The following PLA2R1 variants were observed in gnomAD, a reference collection of about 807,000 sequenced individuals.
PLA2R1 encodes secretory phospholipase A2 receptor.
A neutral mutation model predicts 195.9 loss-of-function variants in PLA2R1; 158 were observed. That is an observed-to-expected ratio of 0.81 (90% CI 0.71 to 0.92). The LOEUF (loss-of-function observed/expected upper bound fraction) is 0.92, where lower values mean the gene tolerates loss of function less well. PLA2R1 is among the 40% of genes least tolerant of loss of function. PLA2R1 has a pLI of 0.00. For synonymous variants in PLA2R1, 586 were observed against 598.2 expected (o/e 0.98, Z 0.30); for missense variants, 1,626 against 1,764.6 (o/e 0.92, Z 1.41).
chr2:159,988,998 A>G (rs1009871377), intron 11 of PLA2R1, among the ~76,000 whole-genome samples: 2 of 152,232 alleles, frequency 1.3e-5, no homozygotes, highest in African/African-American at 4.8e-5. Context: ...GATGGTTCTG[A>G]TCTGGAAGAA....
chr2:160,028,741 G>A (rs564205247), intron 5 of PLA2R1, 109 bp downstream of exon 5: 83 of 683,696 alleles, frequency 1.2e-4, no homozygotes, highest in Non-Finnish European at 2.1e-4. Context: ...GCTAAAAAAT[G>A]TTTATACACT....
In PLA2R1 at chr2:160,044,638, T is replaced by C. The variant is rs113200903; in HGVS notation, c.493+136A>G. The C allele has an allele frequency of 2.3e-4, 159 of 705,218 alleles. 2 individuals carry two copies. The African/African-American group carries it at 2.5e-3, about 11-fold the overall frequency. 43.7% of individuals were successfully genotyped at this position (705,218 alleles called of 1,614,324 possible). A position where few individuals can be genotyped will look rare whatever the true frequency, so the allele number is the denominator to read the frequency against. ...CTTTTACCATAAGCAAGGAAGCAAC[T>C]AAAATGTATTTAGCAGAAGTCCCTT... On this transcript the variant is annotated intron_variant, in intron 2 of 29. Transcript: ENST00000283243.
intron 11 of PLA2R1, among the ~76,000 whole-genome samples, chr2:159,989,453 G>A (rs1202467638): frequency 6.6e-6 from 1 of 152,172 alleles, no homozygotes; most frequent in Non-Finnish European, 1.5e-5. Context: ...CCTTTGAGGG[G>A]CCCCAGTGGA....
At chr2:159,973,291 T>C (rs566779026) in intron 17 of PLA2R1, among the ~76,000 whole-genome samples, 30 of 152,270 alleles carry the variant, frequency 2.0e-4, no homozygotes, top group African/African-American at 6.3e-4. Flanking sequence ...GCACAAATTA[T>C]GCAGAAATAA....
At chr2:160,045,515 G>A (rs1559004411) in intron 1 of PLA2R1, among the ~76,000 whole-genome samples, 2 of 152,302 alleles carry the variant, frequency 1.3e-5, no homozygotes, top group African/African-American at 2.4e-5. Context: ...GGCTCCCGGG[G>A]AGGGACACTG....
intron 6 of PLA2R1, among the ~76,000 whole-genome samples, chr2:160,024,088 T>C (rs559218320): frequency 2.8e-4 from 43 of 152,262 alleles, no homozygotes; most frequent in African/African-American, 9.6e-4. Flanking sequence ...TCTACAGGAC[T>C]ATGCTTGCCT....
At chr2:160,013,640 T>A (rs2105433885) in intron 9 of PLA2R1, among the ~76,000 whole-genome samples, 1 of 151,388 alleles carries the variant, frequency 6.6e-6, no homozygotes, top group Non-Finnish European at 1.5e-5. Context: ...TAAATGAAAA[T>A]AAAGGGCATT....
intron 14 of PLA2R1, among the ~76,000 whole-genome samples, chr2:159,977,619 C>T (rs1283437277): frequency 1.3e-5 from 2 of 151,962 alleles, no homozygotes; most frequent in African/African-American, 4.8e-5. Flanking sequence ...TTAAAGATGC[C>T]TTTTTAAAAA....
chr2:159,965,107 C>T (rs1230241508), intron 20 of PLA2R1, among the ~76,000 whole-genome samples: 1 of 152,176 alleles, frequency 6.6e-6, no homozygotes. Context: ...GCCCCATCAC[C>T]CCAGAATGGT....
intron 6 of PLA2R1, among the ~76,000 whole-genome samples, chr2:160,025,903 A>C (rs1693491873): frequency 6.6e-6 from 1 of 152,210 alleles, no homozygotes; most frequent in Non-Finnish European, 1.5e-5. Flanking sequence ...AAAAGGATAC[A>C]AGTAGCAGAT....
intron 15 of PLA2R1, 42 bp downstream of exon 15, chr2:159,977,242 T>C (rs373936240): frequency 2.0e-6 from 3 of 1,479,170 alleles, no homozygotes; most frequent in Middle Eastern, 2.0e-4. Flanking sequence ...TAGAGATTAT[T>C]AGAAATCAAA....
At chr2:159,956,665 ATCTT>A (rs1688113139) in intron 20 of PLA2R1, 38 bp from the exon 21 acceptor site, 1 of 1,202,792 alleles carries the variant, frequency 8.3e-7, no homozygotes. Context: ...TCATTTCTGT[ATCTT>A]TCTAAGTGAA....
chr2:159,968,691 C>T (rs1221197745), intron 19 of PLA2R1, among the ~76,000 whole-genome samples: 1 of 152,196 alleles, frequency 6.6e-6, no homozygotes, highest in Non-Finnish European at 1.5e-5. Flanking sequence ...GACAATCAAC[C>T]TAACTACACT....
intron 17 of PLA2R1, among the ~76,000 whole-genome samples, chr2:159,975,566 A>AC (rs951767123): frequency 2.4e-4 from 36 of 150,808 alleles, no homozygotes; most frequent in East Asian, 5.8e-4. Context: ...ACTGCCAGGC[A>AC]CCCCCCCAGG....
At chr2:159,992,696 C>T (rs925311457) in intron 11 of PLA2R1, among the ~76,000 whole-genome samples, 6 of 151,788 alleles carry the variant, frequency 4.0e-5, no homozygotes, top group East Asian at 1.9e-4. Flanking sequence ...AAAAAGAGCC[C>T]GCATCGCCAA....
chr2:160,008,774 G>C lies in PLA2R1; in HGVS notation c.1665-2953C>G, dbSNP rs1418084858. Among the ~76,000 whole-genome samples, 7 of 152,174 alleles carry C rather than the reference G, an allele frequency of 4.6e-5. No individual in the cohort carries two copies. In the East Asian group the frequency reaches 1.2e-3, roughly 25 times the overall value. On this transcript the variant is annotated intron_variant, in intron 10 of 29. Coordinates refer to ENST00000283243, the MANE Select transcript of PLA2R1 (RefSeq NM_007366.5). Reference sequence around the variant, plus strand: ...AATGAAAAGGCAACCCACAAAATGGGAGAAAGTATTTGCAAGTTGTACATC... The same window carrying C: ...AATGAAAAGGCAACCCACAAAATGGCAGAAAGTATTTGCAAGTTGTACATC...
intron 1 of PLA2R1, among the ~76,000 whole-genome samples, chr2:160,061,502 G>A (rs1012432259): frequency 6.6e-6 from 1 of 152,178 alleles, no homozygotes; most frequent in East Asian, 1.9e-4. Flanking sequence ...GGCGGGGTGC[G>A]GTGGGTCAGG....
intron 17 of PLA2R1, 66 bp from the exon 18 acceptor site, chr2:159,970,278 G>A (rs1041584174): frequency 3.7e-6 from 4 of 1,092,012 alleles, no homozygotes; most frequent in Non-Finnish European, 4.1e-6. Flanking sequence ...AAGAGTAATG[G>A]GGTTGCTGCT....
intron 20 of PLA2R1, among the ~76,000 whole-genome samples, chr2:159,965,783 T>C (rs1461116551): frequency 1.3e-5 from 2 of 152,220 alleles, no homozygotes; most frequent in Non-Finnish European, 2.9e-5. Context: ...GCTCCTGTTG[T>C]TCGGCCTCCT....
Sources: gnomAD v4.1 joint callset for allele counts (sites outside exome capture counted in the v4.1 genomes callset) on GRCh38, gnomAD v4.1.1 for gene constraint, MANE v1.5 for transcripts, NCBI Gene and HGNC (gene_info 2026-07-23, HGNC 2026-07-21) for gene names.